Variants in NKAIN2 observed in about 807,000 individuals in gnomAD.
NKAIN2 encodes the protein sodium/potassium-transporting ATPase subunit beta-1-interacting protein 2.
Under a neutral mutation model 32.6 loss-of-function variants are expected in NKAIN2, and 14 were observed. That is an observed-to-expected ratio of 0.43 (90% confidence interval 0.28 to 0.67). The LOEUF is 0.67. NKAIN2 is among the 30% of genes least tolerant of loss of function. The probability of loss-of-function intolerance (pLI) is 0.17; values close to 1 mark genes in which losing one functional copy is unlikely to be tolerated. For missense variants in NKAIN2, 198 were observed against 258.3 expected (o/e 0.77, Z 1.60); for synonymous variants, 80 against 87.2 (o/e 0.92, Z 0.46).
At chr6:123,947,235 A>T (rs1394171482) in intron 1 of NKAIN2, among the ~76,000 whole-genome samples, 1 of 152,214 alleles carries the variant, frequency 6.6e-6, no homozygotes, top group Non-Finnish European at 1.5e-5. Context: ...TATCACTAAT[A>T]GATATCAAAG....
At chr6:124,794,370 G>C (rs545515545) in intron 5 of NKAIN2, among the ~76,000 whole-genome samples, 101 of 152,228 alleles carry the variant, frequency 6.6e-4, no homozygotes, top group Non-Finnish European at 4.6e-4. Flanking sequence ...TTTGGCCAAA[G>C]CAATGTAAAT....
At chr6:124,319,673 T>G (rs1797093682) in intron 2 of NKAIN2, among the ~76,000 whole-genome samples, 1 of 152,140 alleles carries the variant, frequency 6.6e-6, no homozygotes, top group African/African-American at 2.4e-5. Flanking sequence ...TTATACATGC[T>G]GGGAAAATAA....
At chr6:124,699,345 G>C (rs1468106876) in intron 4 of NKAIN2, among the ~76,000 whole-genome samples, 1 of 152,178 alleles carries the variant, frequency 6.6e-6, no homozygotes, top group Non-Finnish European at 1.5e-5. Flanking sequence ...GCTCAGTTTG[G>C]AGGGGGACGG....
chr6:124,252,871 G>T (rs563075102), intron 1 of NKAIN2, among the ~76,000 whole-genome samples: 1 of 152,142 alleles, frequency 6.6e-6, no homozygotes, highest in Non-Finnish European at 1.5e-5. Flanking sequence ...TTGTTAAAAG[G>T]CTTAAATGAG....
At position 124,114,498 on chromosome 6, in the gene NKAIN2, A is replaced by T. The variant is rs151055082; in HGVS notation, c.55-168507A>T. Among the ~76,000 whole-genome samples the T allele has an allele frequency of 4.0e-3, 614 of 152,124 alleles. 5 individuals carry two copies. Among genetic ancestry groups the T allele is most frequent in the African/African-American group, 0.014 (584 of 41,496 alleles). On this transcript the variant is annotated intron_variant, in intron 1 of 6. Coordinates refer to ENST00000368417, the MANE Select transcript of NKAIN2 (RefSeq NM_001040214.3). ...TGTCAAGTAGGAGGTTGGCTATATG[A>T]GTTTAAGTTCAGGGAAATATCTATT...
intron 1 of NKAIN2, among the ~76,000 whole-genome samples, chr6:124,148,409 C>A (rs1185585837): frequency 6.6e-6 from 1 of 151,806 alleles, no homozygotes; most frequent in Non-Finnish European, 1.5e-5. Flanking sequence ...TTCCTTATCT[C>A]CCCCCCGACC....
intron 4 of NKAIN2, among the ~76,000 whole-genome samples, chr6:124,724,739 GCA>G (rs368600606): frequency 7.3e-4 from 111 of 152,294 alleles, no homozygotes; most frequent in African/African-American, 2.6e-3. Context: ...TCAGTCTTTA[GCA>G]CAGTTTATTA....
Position 124,739,260 on chromosome 6 carries a change from G to C in NKAIN2, c.475-52079G>C, listed in dbSNP as rs2114683913. ...GGCCACATTTGTTTAACATTCATTA[G>C]CTCTCATAGACCATTGAAAAATGTA... On this transcript the variant is annotated intron_variant, in intron 4 of 6. Coordinates refer to ENST00000368417, the MANE Select transcript of NKAIN2 (RefSeq NM_001040214.3). 3.3e-5 allele frequency among the ~76,000 whole-genome samples: 5 copies of C among 151,894 alleles called. No homozygotes were observed. In the Middle Eastern group the frequency reaches 0.017, roughly 517 times the overall value.
At chr6:124,594,031 A>G (rs1781999342) in intron 3 of NKAIN2, among the ~76,000 whole-genome samples, 2 of 152,240 alleles carry the variant, frequency 1.3e-5, no homozygotes, top group South Asian at 4.1e-4. Context: ...CACTGACTGT[A>G]GAAATGAGTT....
At chr6:124,444,366 G>T (rs976453573) in intron 3 of NKAIN2, among the ~76,000 whole-genome samples, 7 of 151,996 alleles carry the variant, frequency 4.6e-5, no homozygotes, top group Non-Finnish European at 8.8e-5. Flanking sequence ...ATGGCACACA[G>T]ATTTGATTCT....
chr6:124,247,671 C>G lies in NKAIN2; in HGVS notation c.55-35334C>G, dbSNP rs79201722. Reference sequence around the variant, plus strand: ...GTGTTGTGAAGAGTTTTTTCTTTATCTCTCCTATATTTAACAACAAGATTG... The same window carrying G: ...GTGTTGTGAAGAGTTTTTTCTTTATGTCTCCTATATTTAACAACAAGATTG... On this transcript the variant is annotated intron_variant, in intron 1 of 6. Coordinates refer to ENST00000368417, the MANE Select transcript of NKAIN2 (RefSeq NM_001040214.3). Among the ~76,000 whole-genome samples, 693 of 152,174 alleles carry G rather than the reference C, an allele frequency of 4.6e-3. 31 individuals carry two copies. The East Asian group carries it at 0.12, about 26-fold the overall frequency.
chr6:124,192,891 A>C lies in NKAIN2; in HGVS notation c.55-90114A>C, dbSNP rs1790098888. On this transcript the variant is annotated intron_variant, in intron 1 of 6. Coordinates refer to ENST00000368417, the MANE Select transcript of NKAIN2 (RefSeq NM_001040214.3). ...CAGCCTCCCGAGTAGCTGGGACTAC[A>C]GGCGCCCGCCACCGCGCGCAGCTAC... 2.0e-5 allele frequency among the ~76,000 whole-genome samples: 3 copies of C among 151,706 alleles called. No homozygotes were observed. The South Asian group carries it at 6.2e-4, about 31-fold the overall frequency.
chr6:124,227,440 G>T (rs911500278), intron 1 of NKAIN2, among the ~76,000 whole-genome samples: 1 of 152,174 alleles, frequency 6.6e-6, no homozygotes, highest in African/African-American at 2.4e-5. Flanking sequence ...TTCAGTCCCT[G>T]TGAGTTTTTC....
chr6:124,384,492 A>C (rs947283115), intron 3 of NKAIN2, among the ~76,000 whole-genome samples: 1 of 152,180 alleles, frequency 6.6e-6, no homozygotes, highest in East Asian at 1.9e-4. Flanking sequence ...TAATTAAATT[A>C]TGTGCTTTAT....
intron 5 of NKAIN2, among the ~76,000 whole-genome samples, chr6:124,807,689 A>C (rs1780648673): frequency 6.6e-6 from 1 of 151,304 alleles, no homozygotes; most frequent in African/African-American, 2.4e-5. Context: ...CAAAAAATTA[A>C]TGAATCCAGG....
chr6:124,398,706 C>T (rs748836309), intron 3 of NKAIN2, among the ~76,000 whole-genome samples: 2 of 152,006 alleles, frequency 1.3e-5, no homozygotes, highest in Admixed American at 6.6e-5. Flanking sequence ...AAGGTGAGTA[C>T]GGTGTTACAA....
chr6:123,939,901 A>T (rs1582813794), intron 1 of NKAIN2, among the ~76,000 whole-genome samples: 1 of 151,878 alleles, frequency 6.6e-6, no homozygotes, highest in African/African-American at 2.4e-5. Flanking sequence ...GAAGATTGTT[A>T]CTTAATTTTT....
intron 3 of NKAIN2, among the ~76,000 whole-genome samples, chr6:124,627,140 C>T (rs1448702325): frequency 2.0e-5 from 3 of 151,878 alleles, no homozygotes; most frequent in South Asian, 2.1e-4. Context: ...CATGATGGTG[C>T]GCAGCTGTAA....
intron 1 of NKAIN2, among the ~76,000 whole-genome samples, chr6:123,920,516 G>A (rs376401555): frequency 3.2e-4 from 48 of 152,196 alleles, no homozygotes; most frequent in African/African-American, 1.1e-3. Flanking sequence ...TATTTTCCAT[G>A]TGAGAAATCT....
Sources: gnomAD v4.1 joint callset for allele counts (sites outside exome capture counted in the v4.1 genomes callset) on GRCh38, gnomAD v4.1.1 for gene constraint, MANE v1.5 for transcripts, NCBI Gene and HGNC (gene_info 2026-07-23, HGNC 2026-07-21) for gene names.